Variants in LIFR observed in about 807,000 individuals in gnomAD.
The protein encoded by LIFR is LIF receptor subunit alpha, also known as leukemia inhibitory factor receptor.
Under a neutral mutation model 122.2 loss-of-function variants are expected in LIFR, and 84 were observed. The observed-to-expected ratio is 0.69, with a 90% confidence interval of 0.58 to 0.82. LIFR has a LOEUF of 0.82. Ranked by LOEUF, LIFR falls within the 40% of genes least tolerant of loss-of-function variation. LIFR has a pLI of 0.00. For missense variants in LIFR, 1,294 were observed against 1,311.6 expected, an observed-to-expected ratio of 0.99 and a Z score of 0.21; for synonymous variants, 422 against 434.7, an observed-to-expected ratio of 0.97 and a Z score of 0.36.
chr5:38,534,117 T>C lies in LIFR; in HGVS notation c.-19-3451A>G, dbSNP rs1747165577. Among the ~76,000 whole-genome samples the C allele has an allele frequency of 2.0e-5, 3 of 152,138 alleles. No homozygotes were observed. The South Asian group carries it at 6.2e-4, about 32-fold the overall frequency. On this transcript the variant is annotated intron_variant, in intron 1 of 19. Coordinates refer to ENST00000453190, the MANE Select transcript of LIFR (RefSeq NM_001127671.2). ...CAGTAAACAGTACCCGCACTGCTCA[T>C]TTGTATTCTTCCTAGTGTCCCTTTC...
At chr5:38,486,191 A>G (rs1317255884) in intron 16 of LIFR, among the ~76,000 whole-genome samples, 3 of 152,158 alleles carry the variant, frequency 2.0e-5, no homozygotes, top group Non-Finnish European at 4.4e-5. Context: ...ACCACTCTCA[A>G]GTGGAGTTTT....
chr5:38,541,209 A>C (rs1451287972), intron 1 of LIFR, among the ~76,000 whole-genome samples: 1 of 152,224 alleles, frequency 6.6e-6, no homozygotes, highest in Non-Finnish European at 1.5e-5. Flanking sequence ...CATATGAAAA[A>C]CATAACAGCA....
At chr5:38,600,971 G>A (rs1562134) in intron 2 of LIFR, among the ~76,000 whole-genome samples, 33,730 of 152,092 alleles carry the variant, frequency 0.22, 4,163 homozygotes, top group African/African-American at 0.32. Context: ...AGGTAGAACA[G>A]GACACACAGG....
intron 1 of LIFR, among the ~76,000 whole-genome samples, chr5:38,533,652 T>C (rs1379770829): frequency 6.6e-6 from 1 of 152,204 alleles, no homozygotes; most frequent in South Asian, 2.1e-4. Flanking sequence ...TTGTTGCTTA[T>C]TTTGTCTCTG....
intron 14 of LIFR, chr5:38,490,600 ATT>A (rs758871475): frequency 8.8e-4 from 135 of 153,586 alleles, no homozygotes; most frequent in Middle Eastern, 3.0e-3. Context: ...TCATTGCTTG[ATT>A]TTTTTTTTTT....
chr5:38,489,176 T>C lies in LIFR; in HGVS notation c.2237A>G (p.Asp746Gly). ...SADSILVKWE[D>G]IPVEELRGFL... ...GCCTCTAAGTTCTTCCACAGGAATG[T>C]CTTCCCATTTTACTAATATCGAATC... is the stretch of plus-strand genomic sequence containing the variant. The change falls in exon 16 of 20, where the codon GAC becomes GGC. Residue 746 changes from aspartate (D) to glycine (G), a missense_variant. Coordinates refer to ENST00000453190, the MANE Select transcript of LIFR (RefSeq NM_001127671.2). 2 of 1,612,770 alleles carry C rather than the reference T, an allele frequency of 1.2e-6. No homozygotes were observed. The highest frequency in any genetic ancestry group is 1.7e-6 in the Non-Finnish European group (2 of 1,179,022).
At chr5:38,563,285 C>T (rs1327711065) in intron 1 of LIFR, among the ~76,000 whole-genome samples, 16 of 152,180 alleles carry the variant, frequency 1.1e-4, no homozygotes, top group African/African-American at 3.4e-4. Context: ...TTCCATTCTA[C>T]CTACCCAAGT....
At chr5:38,501,567 C>T (rs1329899940) in intron 11 of LIFR, among the ~76,000 whole-genome samples, 1 of 152,100 alleles carries the variant, frequency 6.6e-6, no homozygotes, top group East Asian at 1.9e-4. Context: ...GCCTGACCAA[C>T]ACGGTGAAAC....
intron 14 of LIFR, among the ~76,000 whole-genome samples, chr5:38,492,497 T>C (rs1016400103): frequency 2.0e-5 from 3 of 152,118 alleles, no homozygotes; most frequent in Admixed American, 6.6e-5. Flanking sequence ...AAGGGTAGCA[T>C]GTGGCTGGGT....
chr5:38,501,456 A>G (rs1745171469), intron 11 of LIFR, among the ~76,000 whole-genome samples: 1 of 152,288 alleles, frequency 6.6e-6, no homozygotes, highest in Non-Finnish European at 1.5e-5. Context: ...TGATTCCTAA[A>G]AATTAAACCT....
intron 16 of LIFR, among the ~76,000 whole-genome samples, chr5:38,487,191 G>A (rs946869976): frequency 7.9e-5 from 12 of 152,106 alleles, no homozygotes; most frequent in African/African-American, 2.7e-4. Context: ...TTCCTGGACC[G>A]GCCTCACTTC....
intron 1 of LIFR, among the ~76,000 whole-genome samples, chr5:38,576,557 C>T (rs533933686): frequency 2.6e-5 from 4 of 152,248 alleles, no homozygotes; most frequent in South Asian, 4.1e-4. Context: ...GACTATAATG[C>T]GAGCCAGCGC....
At chr5:38,533,340 T>C (rs2112581083) in intron 1 of LIFR, among the ~76,000 whole-genome samples, 1 of 152,300 alleles carries the variant, frequency 6.6e-6, no homozygotes, top group Non-Finnish European at 1.5e-5. Flanking sequence ...AAGAAAAATA[T>C]CTGGTTCTAT....
Position 38,504,032 on chromosome 5 carries a change from T to A in LIFR, c.1381A>T (p.Lys461Ter), listed in dbSNP as rs1561151545. 1 of 1,591,638 alleles carries A rather than the reference T, an allele frequency of 6.3e-7. No individual in the cohort carries two copies. The highest frequency in any genetic ancestry group is 8.6e-7 in the Non-Finnish European group (1 of 1,159,780). The change falls in exon 10 of 20, where the codon AAG becomes TAG. Residue 461 changes from lysine (K) to a stop codon, truncating the protein, a stop_gained. Coordinates refer to ENST00000453190, the MANE Select transcript of LIFR (RefSeq NM_001127671.2). LOFTEE classifies it high-confidence loss of function. ...LSWHLPGNFA[K>*]INFLCEIEIK... ...TCAATTTCACATAAAAAATTAATCT[T>A]TGCAAAGTTGCCTGGTAAATGCCAA...
chr5:38,510,989 T>C (rs978008726), intron 6 of LIFR, among the ~76,000 whole-genome samples: 1 of 151,286 alleles, frequency 6.6e-6, no homozygotes, highest in East Asian at 2.2e-4. Flanking sequence ...CAGAAGCAGA[T>C]TACAGGTCAG....
chr5:38,565,075 G>C (rs907116826), intron 1 of LIFR, among the ~76,000 whole-genome samples: 2 of 152,016 alleles, frequency 1.3e-5, no homozygotes, highest in African/African-American at 4.8e-5. Flanking sequence ...TCTTTATTTT[G>C]CACAGCAGTT....
At chr5:38,506,860 TC>T (rs1468548345) in intron 7 of LIFR, among the ~76,000 whole-genome samples, 1 of 152,208 alleles carries the variant, frequency 6.6e-6, no homozygotes, top group Non-Finnish European at 1.5e-5. Flanking sequence ...GACTCTTAGC[TC>T]ATCTGGAAAC....
At chr5:38,533,123 C>G (rs1250302686) in intron 1 of LIFR, among the ~76,000 whole-genome samples, 1 of 152,062 alleles carries the variant, frequency 6.6e-6, no homozygotes, top group African/African-American at 2.4e-5. Flanking sequence ...AATGAAACAC[C>G]AAAGTTTGTA....
intron 18 of LIFR, among the ~76,000 whole-genome samples, chr5:38,484,340 A>G (rs1200135441): frequency 6.6e-6 from 1 of 152,224 alleles, no homozygotes; most frequent in Non-Finnish European, 1.5e-5. Context: ...TGTTTTGTGC[A>G]CCACGATATG....
Sources: allele counts gnomAD v4.1 joint callset (sites outside exome capture counted in the v4.1 genomes callset), GRCh38; gene constraint gnomAD v4.1.1; transcripts MANE v1.5; gene names NCBI Gene and HGNC (gene_info 2026-07-23, HGNC 2026-07-21).